Variants in XKR9 observed in about 807,000 individuals in gnomAD.
XKR9 encodes the protein XK related 9.
A neutral mutation model predicts 32.0 loss-of-function variants in XKR9; 32 were observed. The ratio of observed to expected loss-of-function variants is 1.00; its 90% CI spans 0.76 to 1.34. The LOEUF is 1.34. Ranked by LOEUF, XKR9 falls within the 40% of genes most tolerant of loss-of-function variation. XKR9 has a pLI of 0.00. For missense variants in XKR9, 546 were observed against 429.7 expected (o/e 1.27, Z -2.39); for synonymous variants, 168 against 143.4 (o/e 1.17, Z -1.22).
chr8:70,949,644 T>C, the XKR9 span, among the ~76,000 whole-genome samples: 1 of 152,026 alleles, frequency 6.6e-6, no homozygotes, highest in South Asian at 2.1e-4. Context: ...ATGGGGGCTA[T>C]GACAGGGTCA....
the XKR9 span, among the ~76,000 whole-genome samples, chr8:71,002,600 T>C: frequency 2.4e-4 from 36 of 152,330 alleles, no homozygotes; most frequent in African/African-American, 8.7e-4. Flanking sequence ...TTTTTATTGA[T>C]ACTATTGTAA....
At chr8:70,738,786 G>T (rs1267052559), downstream of XKR9, among the ~76,000 whole-genome samples, 71 of 152,226 alleles carry the variant, frequency 4.7e-4, no homozygotes, top group Non-Finnish European at 5.9e-4. Context: ...GGTTTTGAGT[G>T]AGTTTCTTAA....
the XKR9 span, among the ~76,000 whole-genome samples, chr8:70,920,067 G>T: frequency 2.0e-5 from 3 of 152,160 alleles, no homozygotes; most frequent in East Asian, 5.8e-4. Flanking sequence ...CAGCAGCAGT[G>T]CATGCCTATG....
At chr8:70,882,387 CT>C in the XKR9 span, among the ~76,000 whole-genome samples, 2 of 151,478 alleles carry the variant, frequency 1.3e-5, no homozygotes, top group Non-Finnish European at 2.9e-5. Flanking sequence ...CTCTTTTCCC[CT>C]CTCCTGTTTC....
At chr8:70,945,581 A>G in the XKR9 span, among the ~76,000 whole-genome samples, 1 of 150,668 alleles carries the variant, frequency 6.6e-6, no homozygotes, top group African/African-American at 2.4e-5. Context: ...ACTAATCGCT[A>G]TTTTTTTTTT....
chr8:70,718,693 G>C (rs1349050727), intron 4 of XKR9, among the ~76,000 whole-genome samples: 1 of 152,028 alleles, frequency 6.6e-6, no homozygotes, highest in Admixed American at 6.6e-5. Flanking sequence ...GGCATATATG[G>C]GCCACATTTT....
At chr8:70,966,686 G>A in the XKR9 span, among the ~76,000 whole-genome samples, 1 of 152,148 alleles carries the variant, frequency 6.6e-6, no homozygotes, top group African/African-American at 2.4e-5. Flanking sequence ...TTAATTTTCT[G>A]TTTCAATAAT....
At chr8:70,770,635 C>T (rs1807441363) in intron 2 of XKR9, among the ~76,000 whole-genome samples, 2 of 152,204 alleles carry the variant, frequency 1.3e-5, no homozygotes, top group South Asian at 4.1e-4. Flanking sequence ...TCTAGAGAGG[C>T]AATCTGGCTA....
intron 2 of XKR9, among the ~76,000 whole-genome samples, chr8:70,753,032 A>G (rs1586883630): frequency 6.6e-6 from 1 of 152,190 alleles, no homozygotes; most frequent in African/African-American, 2.4e-5. Context: ...AGACTAATAA[A>G]GAAGAAGAGA....
chr8:70,953,958 G>A, the XKR9 span, among the ~76,000 whole-genome samples: 1 of 152,178 alleles, frequency 6.6e-6, no homozygotes, highest in African/African-American at 2.4e-5. Flanking sequence ...AGGAGTGAAG[G>A]AGAGCTTGGC....
chr8:70,927,326 C>T, the XKR9 span, among the ~76,000 whole-genome samples: 5 of 152,126 alleles, frequency 3.3e-5, no homozygotes, highest in East Asian at 1.9e-4. Flanking sequence ...CTTTGGATGC[C>T]GGGCAGCTAA....
the XKR9 span, among the ~76,000 whole-genome samples, chr8:70,801,935 T>C: frequency 6.6e-6 from 1 of 151,752 alleles, no homozygotes; most frequent in Admixed American, 6.6e-5. Context: ...TTTCTTTTTC[T>C]TTCTTTTTTT....
the XKR9 span, among the ~76,000 whole-genome samples, chr8:70,922,027 A>G: frequency 6.6e-6 from 1 of 152,120 alleles, no homozygotes; most frequent in Non-Finnish European, 1.5e-5. Flanking sequence ...GAAGGGGGAG[A>G]AGAAGCAGGT....
chr8:71,005,298 C>G, the XKR9 span, among the ~76,000 whole-genome samples: 2 of 150,954 alleles, frequency 1.3e-5, no homozygotes, highest in Admixed American at 6.6e-5. Context: ...TCTCAGCTCA[C>G]TGCAATATCT....
chr8:70,857,803 G>A, the XKR9 span, among the ~76,000 whole-genome samples: 11 of 152,228 alleles, frequency 7.2e-5, no homozygotes, highest in African/African-American at 2.6e-4. Flanking sequence ...ATGCAAGGCT[G>A]GTTCAACATA....
chr8:70,706,943 GC>G lies in XKR9; in HGVS notation c.285del (p.Leu96Ter). 1 of 1,611,584 alleles carries G rather than the reference GC, an allele frequency of 6.2e-7. No homozygotes were observed. The highest frequency in any genetic ancestry group is 8.5e-7 in the Non-Finnish European group (1 of 1,178,392). On this transcript the variant is annotated frameshift_variant, in exon 4 of 5. Transcript: ENST00000408926. LOFTEE classifies it high-confidence loss of function. ...QGGVFTRYWFALKRGYHAAFK... is the reference protein window; with the variant it reads ...QGGVFTRYWFXLKRGYHAAFK... ...ATGTTTACTTTATAGGTATTGGTTT[GC>G]CTTAAAAAGGGGTTACCATGCAGCT...
At chr8:70,859,301 A>G in the XKR9 span, among the ~76,000 whole-genome samples, 1 of 152,184 alleles carries the variant, frequency 6.6e-6, no homozygotes, top group African/African-American at 2.4e-5. Flanking sequence ...ATCATGTGAT[A>G]TCATCTCACT....
At chr8:70,950,920 C>T in the XKR9 span, among the ~76,000 whole-genome samples, 4 of 152,260 alleles carry the variant, frequency 2.6e-5, no homozygotes, top group East Asian at 5.8e-4. Flanking sequence ...GTGATCTGCT[C>T]ACCTTGGCCT....
chr8:70,928,637 T>C, the XKR9 span, among the ~76,000 whole-genome samples: 1 of 152,110 alleles, frequency 6.6e-6, no homozygotes, highest in South Asian at 2.1e-4. Flanking sequence ...TCTTCCCTAG[T>C]CTGGGCTCCT....
Sources: allele counts gnomAD v4.1 joint callset (sites outside exome capture counted in the v4.1 genomes callset), GRCh38; gene constraint gnomAD v4.1.1; transcripts MANE v1.5; gene names NCBI Gene and HGNC (gene_info 2026-07-23, HGNC 2026-07-21).